Variants in SASH1 observed in about 807,000 individuals in gnomAD.
SASH1 encodes the protein SAM and SH3 domain containing 1.
SASH1 carries 44 observed loss-of-function variants against 125.2 expected under a neutral mutation model. The observed-to-expected ratio is 0.35, with a 90% confidence interval of 0.28 to 0.45. The LOEUF (loss-of-function observed/expected upper bound fraction) is 0.45, where lower values mean the gene tolerates loss of function less well. Ranked by LOEUF, SASH1 falls within the 20% of genes least tolerant of loss-of-function variation. The pLI is 1.00. For synonymous variants in SASH1, 639 were observed against 649.1 expected (o/e 0.98, Z 0.24); for missense variants, 1,426 against 1,614.5 (o/e 0.88, Z 2.00).
chr6:148,492,616 A>C (rs762453533), intron 8 of SASH1, among the ~76,000 whole-genome samples: 9 of 151,988 alleles, frequency 5.9e-5, no homozygotes, highest in Non-Finnish European at 1.2e-4. Flanking sequence ...TCAGGAGTTC[A>C]AGACCATCCA....
chr6:148,372,298 A>T (rs1413722826), intron 1 of SASH1, among the ~76,000 whole-genome samples: 1 of 152,192 alleles, frequency 6.6e-6, no homozygotes, highest in East Asian at 1.9e-4. Context: ...TTACTTTCTC[A>T]CATATATAAA....
At chr6:148,407,832 CATGTTAGCCAGGCTGGT>C (rs1430490433) in intron 2 of SASH1, among the ~76,000 whole-genome samples, 1 of 151,870 alleles carries the variant, frequency 6.6e-6, no homozygotes, top group African/African-American at 2.4e-5. Flanking sequence ...GGGGTTTCAC[CATGTTAGCCAGGCTGGT>C]CTCAAACTCC....
At chr6:148,452,094 C>G (rs989790753) in intron 4 of SASH1, among the ~76,000 whole-genome samples, 19 of 152,198 alleles carry the variant, frequency 1.2e-4, no homozygotes, top group Non-Finnish European at 2.6e-4. Context: ...TAGAGCATCC[C>G]TAAGATAACC....
At chr6:148,238,229 T>G in the SASH1 span, among the ~76,000 whole-genome samples, 1 of 152,050 alleles carries the variant, frequency 6.6e-6, no homozygotes, top group African/African-American at 2.4e-5. Flanking sequence ...TTTATTTTAT[T>G]TTATTTATTT....
Position 148,471,540 on chromosome 6 carries a change from A to G in SASH1, c.514+37A>G, listed in dbSNP as rs200780290. On this transcript the variant is annotated intron_variant, in intron 6 of 19. Transcript: ENST00000367467. Reference sequence around the variant, plus strand: ...CAGCTGGCGGACAGTAGGTCCTTTTAGCTCTAACATGGGAAGAATCCTATG... The same window carrying G: ...CAGCTGGCGGACAGTAGGTCCTTTTGGCTCTAACATGGGAAGAATCCTATG... 1.3e-5 allele frequency: 16 copies of G among 1,238,962 alleles called. No individual in the cohort carries two copies. The East Asian group carries it at 3.5e-4, about 27-fold the overall frequency. The allele number at this position is 1,238,962 out of a possible 1,614,324, so 76.7% of individuals were successfully genotyped here. A position where few individuals can be genotyped will look rare whatever the true frequency, so the allele number is the denominator to read the frequency against.
chr6:148,358,102 G>A (rs916288154), intron 1 of SASH1, among the ~76,000 whole-genome samples: 1 of 145,750 alleles, frequency 6.9e-6, no homozygotes, highest in Admixed American at 7.0e-5. Flanking sequence ...CTGCAGAGCA[G>A]TTAGGTTTTA....
chr6:148,447,012 T>C (rs1776825347), intron 4 of SASH1, among the ~76,000 whole-genome samples: 2 of 152,250 alleles, frequency 1.3e-5, no homozygotes, highest in Admixed American at 1.3e-4. Context: ...AGGTAAAACC[T>C]ACACTTCAGG....
At chr6:148,546,322 G>GA (rs144729413) in intron 19 of SASH1, among the ~76,000 whole-genome samples, 176 bp downstream of exon 19, 1,628 of 148,242 alleles carry the variant, frequency 0.011, 26 homozygotes, top group African/African-American at 0.034. Flanking sequence ...CTTTCAGAAA[G>GA]AAAAAAAAAA....
intron 2 of SASH1, among the ~76,000 whole-genome samples, chr6:148,417,582 AAAATAAAT>A (rs61198279): frequency 1.4e-5 from 2 of 147,800 alleles, no homozygotes; most frequent in Middle Eastern, 3.4e-3. Context: ...GGACTCTGTC[AAAATAAAT>A]AAATAAATAA....
At chr6:148,433,406 CTTTTTT>C (rs5880780) in intron 2 of SASH1, among the ~76,000 whole-genome samples, 3,261 of 128,016 alleles carry the variant, frequency 0.025, 126 homozygotes, top group African/African-American at 0.089. Flanking sequence ...TTTCTTTTTT[CTTTTTT>C]TTTTTTTTTT....
intron 1 of SASH1, among the ~76,000 whole-genome samples, chr6:148,275,203 T>C (rs1779153392): frequency 6.6e-6 from 1 of 152,212 alleles, no homozygotes; most frequent in African/African-American, 2.4e-5. Context: ...TTTAATGGCA[T>C]TGGAGAATAT....
chr6:148,503,448 T>C (rs1779642812), intron 8 of SASH1, among the ~76,000 whole-genome samples: 1 of 152,262 alleles, frequency 6.6e-6, no homozygotes, highest in African/African-American at 2.4e-5. Context: ...TGGTATACTT[T>C]GATGGCTAAA....
At chr6:148,474,772 A>C (rs556218997) in intron 7 of SASH1, among the ~76,000 whole-genome samples, 1 of 152,196 alleles carries the variant, frequency 6.6e-6, no homozygotes, top group African/African-American at 2.4e-5. Context: ...GGGTCTCTTC[A>C]TGTTGCCCAG....
At position 148,532,540 on chromosome 6, in the gene SASH1, C is replaced by T. The variant is rs572426189; in HGVS notation, c.1565-257C>T. Among the ~76,000 whole-genome samples, 10 of 152,298 alleles carry T rather than the reference C, an allele frequency of 6.6e-5. No individual in the cohort carries two copies. Among genetic ancestry groups the T allele is most frequent in the South Asian group, 2.1e-4 (1 of 4,828 alleles). The stretch of plus-strand genomic sequence containing the variant: ...GTGCCTGGCCCTGCAGTGTCCTCCA[C>T]GCGGGATCCTCCGTGCCACATGGAT... On this transcript the variant is annotated intron_variant, in intron 13 of 19. Transcript: ENST00000367467. The surrounding 1 kb of genome is among the most constrained non-coding windows in gnomAD (Gnocchi z 4.7).
At chr6:148,467,693 T>C (rs1777910782) in intron 4 of SASH1, among the ~76,000 whole-genome samples, 3 of 152,150 alleles carry the variant, frequency 2.0e-5, no homozygotes, top group Admixed American at 1.3e-4. Flanking sequence ...TCCCAGCACT[T>C]TGGGGGGCCG....
At chr6:148,411,166 C>CAAAAAAAAAAAAAAAAAAAAA (rs56342457) in intron 2 of SASH1, among the ~76,000 whole-genome samples, 6 of 46,182 alleles carry the variant, frequency 1.3e-4, no homozygotes, top group Non-Finnish European at 2.3e-4. Context: ...ACTCCATCTC[C>CAAAAAAAAAAAAAAAAAAAAA]AAAAAAAAAA....
intron 8 of SASH1, among the ~76,000 whole-genome samples, chr6:148,490,013 T>TAA (rs57304766): frequency 0.11 from 13,287 of 124,730 alleles, 857 homozygotes; most frequent in Middle Eastern, 0.18. Context: ...ATCCTGTCTT[T>TAA]AAAAAAAAAA....
At chr6:148,537,081 TAAG>T (rs560728429) in intron 16 of SASH1, among the ~76,000 whole-genome samples, 58 of 152,332 alleles carry the variant, frequency 3.8e-4, no homozygotes, top group African/African-American at 1.4e-3. Flanking sequence ...TCATCGTGGC[TAAG>T]AAGTAGTGCC....
At chr6:148,324,497 CATCCA>C (rs1780743983) in intron 1 of SASH1, among the ~76,000 whole-genome samples, 1 of 152,168 alleles carries the variant, frequency 6.6e-6, no homozygotes, top group African/African-American at 2.4e-5. Context: ...CCAACTCTGC[CATCCA>C]ATGAATCACC....
Sources: gnomAD v4.1 joint callset for allele counts (sites outside exome capture counted in the v4.1 genomes callset) on GRCh38, gnomAD v4.1.1 for gene constraint, Gnocchi (gnomAD v3.1) non-coding constraint, MANE v1.5 for transcripts, NCBI Gene and HGNC (gene_info 2026-07-23, HGNC 2026-07-21) for gene names.